RGS6: variants seen among roughly 807,000 people sequenced by gnomAD.
RGS6 encodes the protein regulator of G protein signaling 6, also known as regulator of G-protein signaling 6.
In RGS6, 30 loss-of-function variants were observed where a neutral mutation model predicts 78.5. The ratio of observed to expected loss-of-function variants is 0.38; its 90% CI spans 0.29 to 0.52. The LOEUF (loss-of-function observed/expected upper bound fraction) is 0.52. RGS6 is among the 20% of genes least tolerant of loss of function. RGS6 has a pLI of 0.85. For missense variants in RGS6, 495 were observed against 609.7 expected (o/e 0.81, Z 1.98); for synonymous variants, 206 against 206.0 (o/e 1.00, Z 0.00).
intron 4 of RGS6, among the ~76,000 whole-genome samples, chr14:72,456,825 C>G (rs185597895): frequency 6.6e-6 from 1 of 151,936 alleles, no homozygotes; most frequent in Non-Finnish European, 1.5e-5. Context: ...TGCCTGTAAT[C>G]GCAGCTCTTT....
intron 2 of RGS6, among the ~76,000 whole-genome samples, chr14:71,996,155 TG>T (rs1658402895): frequency 1.1e-5 from 1 of 87,524 alleles, no homozygotes; most frequent in East Asian, 3.0e-4. Context: ...GTTAGAAGTG[TG>T]TTTTTTTTTT....
intron 12 of RGS6, among the ~76,000 whole-genome samples, chr14:72,490,904 T>C (rs8010353): frequency 0.044 from 6,630 of 152,262 alleles, 454 homozygotes; most frequent in African/African-American, 0.15. Context: ...TGCATATGAA[T>C]CACCTGGGGG....
At chr14:71,925,604 T>A in the RGS6 span, among the ~76,000 whole-genome samples, 2 of 152,036 alleles carry the variant, frequency 1.3e-5, no homozygotes, top group African/African-American at 4.8e-5. Context: ...AGGGTCCAAT[T>A]TCATTCTTTT....
chr14:72,423,112 GA>G (rs2093300822), intron 3 of RGS6, among the ~76,000 whole-genome samples: 1 of 152,220 alleles, frequency 6.6e-6, no homozygotes, highest in Admixed American at 6.5e-5. Context: ...AGGTAGTTTA[GA>G]AAAGGATTTG....
upstream of RGS6, among the ~76,000 whole-genome samples, chr14:71,932,158 T>C (rs1284550353): frequency 6.6e-6 from 1 of 152,248 alleles, no homozygotes; most frequent in Non-Finnish European, 1.5e-5. Flanking sequence ...CGGCGGCTTC[T>C]TGAGGATGAG....
At chr14:72,058,888 C>T (rs2093752092) in intron 2 of RGS6, among the ~76,000 whole-genome samples, 2 of 152,116 alleles carry the variant, frequency 1.3e-5, no homozygotes, top group Non-Finnish European at 2.9e-5. Context: ...TCAGCCACTT[C>T]ACAGCTGCAC....
chr14:72,268,064 C>G (rs923802538), intron 2 of RGS6, among the ~76,000 whole-genome samples: 22 of 152,196 alleles, frequency 1.4e-4, no homozygotes, highest in African/African-American at 5.3e-4. Flanking sequence ...CGCAATTATT[C>G]TACAAATGGT....
At chr14:71,922,306 C>T in the RGS6 span, among the ~76,000 whole-genome samples, 1 of 152,284 alleles carries the variant, frequency 6.6e-6, no homozygotes, top group East Asian at 1.9e-4. Context: ...ATTACTTTTT[C>T]CTCTATCAGT....
At chr14:72,304,921 T>C (rs2066900296) in intron 2 of RGS6, among the ~76,000 whole-genome samples, 1 of 152,098 alleles carries the variant, frequency 6.6e-6, no homozygotes, top group Non-Finnish European at 1.5e-5. Context: ...GCCAATTGCT[T>C]TTCATAGAAT....
intron 2 of RGS6, among the ~76,000 whole-genome samples, chr14:72,104,372 T>A (rs1319196810): frequency 1.3e-5 from 2 of 152,258 alleles, no homozygotes; most frequent in Non-Finnish European, 2.9e-5. Flanking sequence ...ATTTAGTTGT[T>A]GTTTTATATT....
intron 2 of RGS6, among the ~76,000 whole-genome samples, chr14:72,180,810 G>A (rs2097164363): frequency 6.6e-6 from 1 of 152,134 alleles, no homozygotes; most frequent in Non-Finnish European, 1.5e-5. Context: ...GATACATTTG[G>A]CTGCCATTTT....
At chr14:71,957,069 A>G (rs902912194) in intron 1 of RGS6, among the ~76,000 whole-genome samples, 1 of 152,216 alleles carries the variant, frequency 6.6e-6, no homozygotes, top group Non-Finnish European at 1.5e-5. Context: ...GGATGTGGCC[A>G]TGTGAGATAG....
At position 71,973,546 on chromosome 14, in the gene RGS6, A is replaced by C. The variant is rs985576639; in HGVS notation, c.84+8671A>C. On this transcript the variant is annotated intron_variant, in intron 2 of 17. Coordinates refer to ENST00000553525, the MANE Select transcript of RGS6 (RefSeq NM_001204424.2). Reference sequence around the variant, plus strand: ...CTAAAAATACAAAAATTGGCCAGGCATGGTGGCACACGCCTGTAATCCCAG... The same window carrying C: ...CTAAAAATACAAAAATTGGCCAGGCCTGGTGGCACACGCCTGTAATCCCAG... Among the ~76,000 whole-genome samples the C allele has an allele frequency of 3.9e-4, 59 of 152,220 alleles. 1 individual carries two copies. Among genetic ancestry groups the C allele is most frequent in the African/African-American group, 1.3e-3 (56 of 41,548 alleles).
At chr14:71,908,387 G>A in the RGS6 span, 1 of 152,230 alleles carries the variant, frequency 6.6e-6, no homozygotes, top group South Asian at 2.1e-4. Context: ...CCATTGTTTT[G>A]AAGCAGGAGA....
chr14:72,490,460 G>A (rs2153401127), intron 12 of RGS6, among the ~76,000 whole-genome samples: 1 of 152,326 alleles, frequency 6.6e-6, no homozygotes, highest in South Asian at 2.1e-4. Flanking sequence ...CCCCAGGGAA[G>A]ATGCATACCT....
intron 2 of RGS6, among the ~76,000 whole-genome samples, chr14:72,104,171 C>T (rs1035159805): frequency 6.6e-6 from 1 of 151,926 alleles, no homozygotes; most frequent in Non-Finnish European, 1.5e-5. Context: ...GTTTCTTTGC[C>T]TCCCATGGGC....
At chr14:72,177,544 A>AT (rs1376097588) in intron 2 of RGS6, among the ~76,000 whole-genome samples, 1 of 152,216 alleles carries the variant, frequency 6.6e-6, no homozygotes, top group Non-Finnish European at 1.5e-5. Context: ...GGGAATAATG[A>AT]TTAAAAGGAA....
At chr14:72,624,943 T>C in the RGS6 span, among the ~76,000 whole-genome samples, 1 of 152,240 alleles carries the variant, frequency 6.6e-6, no homozygotes, top group African/African-American at 2.4e-5. Context: ...TTATTACTTG[T>C]AATGTTATCT....
chr14:71,902,917 G>C, the RGS6 span, among the ~76,000 whole-genome samples: 1 of 152,244 alleles, frequency 6.6e-6, no homozygotes, highest in Non-Finnish European at 1.5e-5. Context: ...GCACAGGGCA[G>C]GTGATGTGTC....
Sources: allele counts gnomAD v4.1 joint callset (sites outside exome capture counted in the v4.1 genomes callset), GRCh38; gene constraint gnomAD v4.1.1; transcripts MANE v1.5; gene names NCBI Gene and HGNC (gene_info 2026-07-23, HGNC 2026-07-21).